BAIAP2: variants seen among roughly 807,000 people sequenced by gnomAD.
The protein encoded by BAIAP2 is BAR/IMD domain-containing adapter protein 2.
In BAIAP2, 18 loss-of-function variants were observed where a neutral mutation model predicts 63.0. The observed-to-expected ratio is 0.29, with a 90% CI of 0.20 to 0.42. The LOEUF is 0.42. Ranked by LOEUF, BAIAP2 falls within the 10% of genes least tolerant of loss-of-function variation. The probability of loss-of-function intolerance (pLI) is 1.00; values close to 1 mark genes in which losing one functional copy is unlikely to be tolerated. For synonymous variants in BAIAP2, 386 were observed against 307.6 expected (o/e 1.25, Z -2.67); for missense variants, 610 against 734.3 (o/e 0.83, Z 1.96).
At chr17:81,047,294 T>G (rs891835647) in intron 1 of BAIAP2, among the ~76,000 whole-genome samples, 3 of 152,010 alleles carry the variant, frequency 2.0e-5, no homozygotes, top group Non-Finnish European at 4.4e-5. Flanking sequence ...GGCCCCTGCC[T>G]TCCTGAGCCT....
rs141042646 is a variant in BAIAP2 at position 81,058,727 on chromosome 17, G to A, written c.217+760G>A. 1.7e-3 allele frequency among the ~76,000 whole-genome samples: 253 copies of A among 152,356 alleles called. 2 individuals are homozygous for A. The highest frequency in any genetic ancestry group is 4.8e-3 in the South Asian group (23 of 4,824). On this transcript the variant is annotated intron_variant, in intron 3 of 13. Coordinates refer to ENST00000428708, the MANE Select transcript of BAIAP2 (RefSeq NM_001144888.2). ...TTGGATTCCTCTTCCCTCTGGTCAC[G>A]GAGGACAGGCTGCGCTCACTCTTGA...
rs981522860 is a variant in BAIAP2, at chr17:81,098,134, G to A, written c.490-1794G>A. 22 of 1,453,932 alleles carry A rather than the reference G, an allele frequency of 1.5e-5. No individual in the cohort carries two copies. In the African/African-American group the frequency reaches 2.8e-4, roughly 19 times the overall value. 90.1% of individuals were successfully genotyped at this position (1,453,932 alleles called of 1,614,324 possible). On this transcript the variant is annotated intron_variant, in intron 6 of 13. Transcript: ENST00000428708. The stretch of plus-strand genomic sequence containing the variant: ...TGGGGAGGCATGCTCCTCCCAGAGG[G>A]ACAGAGGCAGAGAGCCCTGGGGTTT...
chr17:81,116,763 TAC>T lies in BAIAP2; in HGVS notation c.*926_*927del, dbSNP rs556235822. 221 of 182,704 alleles carry T rather than the reference TAC, an allele frequency of 1.2e-3. 1 individual carries two copies. The highest frequency in any genetic ancestry group is 4.9e-3 in the African/African-American group (212 of 43,090). The allele number at this position is 182,704 out of a possible 1,614,324, so 11.3% of individuals were successfully genotyped here. A position where few individuals can be genotyped will look rare whatever the true frequency, so the allele number is the denominator to read the frequency against. On this transcript the variant is annotated 3_prime_UTR_variant, in exon 14 of 14. Transcript: ENST00000428708. ...CTGTTTGTTTGTTTGTTAGGTGAAA[TAC>T]AGTGTGGTGAGCTGCACTGGTGACA...
At chr17:81,053,850 G>A in intron 2 of BAIAP2, 107 bp downstream of exon 2, 1 of 739,546 alleles carries the variant, frequency 1.4e-6, no homozygotes, top group Non-Finnish European at 2.2e-6. Flanking sequence ...GTAGAACTGT[G>A]CCCGGGCCCC....
chr17:81,084,993 T>C, intron 4 of BAIAP2, 100 bp downstream of exon 4: 1 of 1,249,936 alleles, frequency 8.0e-7, no homozygotes, highest in Non-Finnish European at 1.2e-6. Flanking sequence ...CAGTCCCAGT[T>C]GTCCAGCCAC....
At position 81,067,826 on chromosome 17, in the gene BAIAP2, C is replaced by T. The variant is rs564082398; in HGVS notation, c.217+9859C>T. ...ACAGCTGGTCTCTCCCCTGAGATGC[C>T]GGGGCTGCCTGTCCCCCGGTTGGGG... On this transcript the variant is annotated intron_variant, in intron 3 of 13. Transcript: ENST00000428708. 5.0e-3 allele frequency among the ~76,000 whole-genome samples: 758 copies of T among 152,336 alleles called. 8 individuals are homozygous for T. Among genetic ancestry groups the T allele is most frequent in the Non-Finnish European group, 7.0e-3 (473 of 68,016 alleles).
rs376309812 is a variant in BAIAP2, at chr17:81,044,428, C to T, written c.54+9120C>T. ...GGACGGCCGTGGCACCTGGCTCGTC[C>T]CTATGTTATCTGTGCCCTCTTTCTT... On this transcript the variant is annotated intron_variant, in intron 1 of 13. Coordinates refer to ENST00000428708, the MANE Select transcript of BAIAP2 (RefSeq NM_001144888.2). 1.8e-4 allele frequency among the ~76,000 whole-genome samples: 28 copies of T among 152,346 alleles called. No homozygotes were observed. In the East Asian group the frequency reaches 3.3e-3, roughly 18 times the overall value.
chr17:81,070,182 C>G (rs1038396310), intron 3 of BAIAP2, among the ~76,000 whole-genome samples: 2 of 152,196 alleles, frequency 1.3e-5, no homozygotes, highest in African/African-American at 4.8e-5. Context: ...TGGTCTCGAA[C>G]TCCTGGACTC....
intron 6 of BAIAP2, chr17:81,087,616 C>G (rs989673073): frequency 6.7e-6 from 1 of 149,692 alleles, no homozygotes; most frequent in African/African-American, 2.4e-5. Flanking sequence ...AAGGAGAGGA[C>G]GGGACTAGGC....
intron 13 of BAIAP2, among the ~76,000 whole-genome samples, chr17:81,113,126 G>C (rs2060104445): frequency 6.6e-6 from 1 of 152,222 alleles, no homozygotes; most frequent in South Asian, 2.1e-4. Flanking sequence ...GGGCCTCTGA[G>C]GGGAGGCTCT....
At chr17:81,081,311 C>T (rs1191919043) in intron 3 of BAIAP2, among the ~76,000 whole-genome samples, 1 of 152,212 alleles carries the variant, frequency 6.6e-6, no homozygotes, top group African/African-American at 2.4e-5. Flanking sequence ...GTCCCACCGT[C>T]TCAGGCTTCC....
At chr17:81,057,751 G>T in intron 2 of BAIAP2, 130 bp from the exon 3 acceptor site, 1 of 1,415,710 alleles carries the variant, frequency 7.1e-7, no homozygotes. Flanking sequence ...ACAGCGAGTC[G>T]AGTATTCTCC....
rs911914510 is a variant in BAIAP2, at chr17:81,059,976, CAAG to C, written c.217+2010_217+2012del. 2.0e-5 allele frequency among the ~76,000 whole-genome samples: 3 copies of C among 152,192 alleles called. No individual in the cohort carries two copies. In the East Asian group the frequency reaches 5.8e-4, roughly 29 times the overall value. On this transcript the variant is annotated intron_variant, in intron 3 of 13. Coordinates refer to ENST00000428708, the MANE Select transcript of BAIAP2 (RefSeq NM_001144888.2). ...AGAAGGCGCTGAGCCCACATGGGCA[CAAG>C]GAGGAGGAGGGAAGCTTCAGAAGAG...
chr17:81,109,126 CT>C (rs2059561468), intron 13 of BAIAP2: 4 of 1,454,926 alleles, frequency 2.7e-6, no homozygotes, highest in Non-Finnish European at 3.6e-6. Flanking sequence ...TGCCCCATGC[CT>C]TTTGGTTGGT....
intron 13 of BAIAP2, chr17:81,110,312 C>T (rs536074933): frequency 1.2e-5 from 12 of 986,352 alleles, no homozygotes; most frequent in Admixed American, 6.1e-5. Flanking sequence ...CCTTCCGCGC[C>T]GGCGTTCCCG....
At chr17:81,050,216 C>T (rs1327146459) in intron 1 of BAIAP2, among the ~76,000 whole-genome samples, 1 of 152,212 alleles carries the variant, frequency 6.6e-6, no homozygotes, top group Non-Finnish European at 1.5e-5. Context: ...AAGGGGAGTC[C>T]CCCCTTACAA....
intron 3 of BAIAP2, among the ~76,000 whole-genome samples, chr17:81,072,881 G>A (rs541230881): frequency 2.0e-4 from 31 of 152,020 alleles, no homozygotes; most frequent in African/African-American, 7.2e-4. Flanking sequence ...TGGGCCTCAC[G>A]GACCTCATTG....
intron 6 of BAIAP2, among the ~76,000 whole-genome samples, chr17:81,098,912 G>T (rs565676565): frequency 7.9e-5 from 12 of 152,228 alleles, no homozygotes; most frequent in African/African-American, 2.9e-4. Flanking sequence ...CACCTGCCAG[G>T]GCTGAGGGTT....
chr17:81,101,570 C>T (rs1226457988), intron 7 of BAIAP2, among the ~76,000 whole-genome samples: 1 of 152,176 alleles, frequency 6.6e-6, no homozygotes, highest in Non-Finnish European at 1.5e-5. Context: ...TTGCAGGGAT[C>T]CACGGGCTAT....
Sources: gnomAD v4.1 joint callset for allele counts (sites outside exome capture counted in the v4.1 genomes callset) on GRCh38, gnomAD v4.1.1 for gene constraint, MANE v1.5 for transcripts, NCBI Gene and HGNC (gene_info 2026-07-23, HGNC 2026-07-21) for gene names.